SENP7: variants seen among roughly 807,000 people sequenced by gnomAD.
SENP7 encodes the protein SUMO specific peptidase 7, also known as sentrin-specific protease 7.
Under a neutral mutation model 141.2 loss-of-function variants are expected in SENP7, and 64 were observed. The ratio of observed to expected loss-of-function variants is 0.45; its 90% confidence interval spans 0.37 to 0.56. The LOEUF (loss-of-function observed/expected upper bound fraction) is 0.56. Ranked by LOEUF, SENP7 falls within the 20% of genes least tolerant of loss-of-function variation. SENP7 has a pLI of 0.00. For synonymous variants in SENP7, 382 were observed against 426.4 expected, an observed-to-expected ratio of 0.90 and a Z score of 1.28; for missense variants, 1,025 against 1,212.2, an observed-to-expected ratio of 0.85 and a Z score of 2.29.
At chr3:101,493,469 G>C (rs1038718957) in intron 3 of SENP7, among the ~76,000 whole-genome samples, 1 of 152,108 alleles carries the variant, frequency 6.6e-6, no homozygotes, top group African/African-American at 2.4e-5. Flanking sequence ...GCTTAAAAAT[G>C]AGATAAAGTC....
At chr3:101,356,586 A>G (rs560244660) in intron 11 of SENP7, among the ~76,000 whole-genome samples, 1 of 152,308 alleles carries the variant, frequency 6.6e-6, no homozygotes, top group East Asian at 1.9e-4. Flanking sequence ...GTAATGTCTG[A>G]AGTGTCAGTA....
At chr3:101,329,513 C>A (rs1339094996) in intron 20 of SENP7, among the ~76,000 whole-genome samples, 1 of 151,928 alleles carries the variant, frequency 6.6e-6, no homozygotes, top group Non-Finnish European at 1.5e-5. Context: ...AAGTGGCAAT[C>A]TTAATTTAGA....
At chr3:101,507,477 AG>A (rs1398706112) in intron 1 of SENP7, among the ~76,000 whole-genome samples, 1 of 152,170 alleles carries the variant, frequency 6.6e-6, no homozygotes, top group Non-Finnish European at 1.5e-5. Flanking sequence ...TCTCTTCCCT[AG>A]TTTACCAAAT....
intron 10 of SENP7, 102 bp from the exon 11 acceptor site, chr3:101,361,963 A>C (rs1252763218): frequency 5.4e-6 from 7 of 1,301,782 alleles, no homozygotes; most frequent in African/African-American, 3.1e-5. Context: ...ACTATTAGTG[A>C]ATTTTTGAAG....
chr3:101,422,050 C>T (rs1174170292), intron 4 of SENP7, among the ~76,000 whole-genome samples: 5 of 152,172 alleles, frequency 3.3e-5, no homozygotes, highest in Non-Finnish European at 7.4e-5. Flanking sequence ...AGGAGGTGAA[C>T]GGTGGGTGAG....
Position 101,471,713 on chromosome 3 carries a change from G to A in SENP7, c.187-12661C>T, listed in dbSNP as rs562580974. Among the ~76,000 whole-genome samples, 9 of 152,158 alleles carry A rather than the reference G, an allele frequency of 5.9e-5. 1 individual carries two copies. The South Asian group carries it at 1.9e-3, about 32-fold the overall frequency. On this transcript the variant is annotated intron_variant, in intron 3 of 23. Coordinates refer to ENST00000394095, the MANE Select transcript of SENP7 (RefSeq NM_020654.5). ...AAGAAACTACCATCAGCGTGAACAG[G>A]CAACCTACAGAATGGGAGAAAATTT... is the stretch of plus-strand genomic sequence containing the variant.
At chr3:101,373,276 A>C (rs1305222907) in intron 6 of SENP7, among the ~76,000 whole-genome samples, 1 of 152,132 alleles carries the variant, frequency 6.6e-6, no homozygotes, top group East Asian at 1.9e-4. Context: ...AGAGGTTCTG[A>C]CTGAGTCAAA....
intron 6 of SENP7, among the ~76,000 whole-genome samples, chr3:101,375,562 A>AAT (rs2060302308): frequency 6.6e-6 from 1 of 150,656 alleles, no homozygotes; most frequent in Non-Finnish European, 1.5e-5. Flanking sequence ...AAAAAAAAAA[A>AAT]AAAAAAGAAG....
intron 16 of SENP7, among the ~76,000 whole-genome samples, chr3:101,339,756 A>G (rs568099159): frequency 2.0e-5 from 3 of 152,206 alleles, no homozygotes; most frequent in Admixed American, 6.5e-5. Flanking sequence ...ATCTCAATAG[A>G]GCTGCTGTTT....
chr3:101,366,379 C>T, intron 9 of SENP7, 51 bp downstream of exon 9: 1 of 1,320,920 alleles, frequency 7.6e-7, no homozygotes. Context: ...AAAAAAATAA[C>T]TAAGTAAAGC....
At chr3:101,500,193 G>A (rs1051441876) in intron 2 of SENP7, among the ~76,000 whole-genome samples, 5 of 152,126 alleles carry the variant, frequency 3.3e-5, no homozygotes, top group African/African-American at 9.6e-5. Context: ...CAGAGAAAAG[G>A]GTTTAATAAA....
chr3:101,394,512 A>T (rs1051989756), intron 6 of SENP7, among the ~76,000 whole-genome samples: 7 of 128,318 alleles, frequency 5.5e-5, no homozygotes, highest in Admixed American at 1.7e-4. Context: ...GTTTCTTTTT[A>T]AAAATTTTTT....
intron 6 of SENP7, among the ~76,000 whole-genome samples, chr3:101,386,705 AG>A (rs1214055817): frequency 4.6e-5 from 7 of 152,206 alleles, no homozygotes; most frequent in Non-Finnish European, 8.8e-5. Flanking sequence ...TGCTCCAGGA[AG>A]GTTGCCCCCA....
At chr3:101,428,447 G>A (rs1233717074) in intron 4 of SENP7, among the ~76,000 whole-genome samples, 1 of 152,232 alleles carries the variant, frequency 6.6e-6, no homozygotes, top group African/African-American at 2.4e-5. Flanking sequence ...CTAATGACCA[G>A]TGATGATGAG....
chr3:101,380,053 C>T (rs938357616), intron 6 of SENP7, among the ~76,000 whole-genome samples: 9 of 152,128 alleles, frequency 5.9e-5, no homozygotes, highest in Admixed American at 6.5e-5. Context: ...CTATGCTAAG[C>T]GAGATAAGTC....
chr3:101,343,104 G>A (rs2059369589), intron 14 of SENP7, among the ~76,000 whole-genome samples: 1 of 152,142 alleles, frequency 6.6e-6, no homozygotes, highest in Admixed American at 6.5e-5. Context: ...TGCATGATAC[G>A]AAGGGGTGTG....
chr3:101,462,205 T>C (rs1197847158), intron 3 of SENP7, among the ~76,000 whole-genome samples: 1 of 152,042 alleles, frequency 6.6e-6, no homozygotes, highest in African/African-American at 2.4e-5. Context: ...GTCACAACAA[T>C]AGCAAAAAAG....
At chr3:101,332,941 T>G (rs1179777245) in intron 17 of SENP7, 79 bp from the exon 18 acceptor site, 2 of 1,319,884 alleles carry the variant, frequency 1.5e-6, no homozygotes, top group African/African-American at 1.5e-5. Context: ...TTTTTATATA[T>G]TGAAATATCT....
At chr3:101,370,857 C>T (rs1479272570) in intron 7 of SENP7, among the ~76,000 whole-genome samples, 1 of 152,120 alleles carries the variant, frequency 6.6e-6, no homozygotes, top group East Asian at 1.9e-4. Flanking sequence ...ACTGTAGTTT[C>T]ATTTTAAATT....
Sources: gnomAD v4.1 joint callset for allele counts (sites outside exome capture counted in the v4.1 genomes callset) on GRCh38, gnomAD v4.1.1 for gene constraint, MANE v1.5 for transcripts, NCBI Gene and HGNC (gene_info 2026-07-23, HGNC 2026-07-21) for gene names.